Variants in RAB11FIP4 observed in about 807,000 individuals in gnomAD.
The protein encoded by RAB11FIP4 is rab11 family-interacting protein 4.
In RAB11FIP4, 23 loss-of-function variants were observed where a neutral mutation model predicts 74.3. The ratio of observed to expected loss-of-function variants is 0.31; its 90% CI spans 0.22 to 0.44. The LOEUF (loss-of-function observed/expected upper bound fraction) is 0.44. Among genes scored for constraint, RAB11FIP4 ranks in the 20% least tolerant of loss-of-function variants. The pLI, the probability that RAB11FIP4 is intolerant of heterozygous loss-of-function variation, is 1.00. For missense variants in RAB11FIP4, 630 were observed against 863.9 expected, an observed-to-expected ratio of 0.73 and a Z score of 3.39; for synonymous variants, 360 against 359.9, an observed-to-expected ratio of 1.00 and a Z score of 0.00.
intron 3 of RAB11FIP4, among the ~76,000 whole-genome samples, chr17:31,447,884 G>T (rs178861): frequency 6.6e-6 from 1 of 151,406 alleles, no homozygotes; most frequent in South Asian, 2.1e-4. Context: ...GCAGTGGCGC[G>T]ATCTCAGCTC....
chr17:31,497,893 C>T (rs768113579), intron 3 of RAB11FIP4, among the ~76,000 whole-genome samples: 2 of 152,144 alleles, frequency 1.3e-5, no homozygotes, highest in African/African-American at 2.4e-5. Flanking sequence ...AGTAGCCCAA[C>T]CTCCTCAGTT....
chr17:31,529,036 G>T (rs1263343198), intron 13 of RAB11FIP4, among the ~76,000 whole-genome samples: 3 of 151,856 alleles, frequency 2.0e-5, no homozygotes, highest in Non-Finnish European at 4.4e-5. Context: ...ATACCCAGCT[G>T]CAGTATAGTG....
chr17:31,534,856 A>T lies in RAB11FIP4; in HGVS notation c.*3124A>T, dbSNP rs891829038. ...TAGACTCAGATTTTACATGGCCCTG[A>T]GCTGCCCTTGCGTTCAGTTGGAAGC... On this transcript the variant is annotated 3_prime_UTR_variant, in exon 15 of 15. Transcript: ENST00000621161. 1 of 154,290 alleles carries T rather than the reference A, an allele frequency of 6.5e-6. No homozygotes were observed. The highest frequency in any genetic ancestry group is 2.4e-5 in the African/African-American group (1 of 41,468). 9.6% of individuals were successfully genotyped at this position (154,290 alleles called of 1,614,324 possible).
intron 2 of RAB11FIP4, among the ~76,000 whole-genome samples, chr17:31,432,293 G>A (rs2071317945): frequency 6.6e-6 from 1 of 151,910 alleles, no homozygotes; most frequent in South Asian, 2.1e-4. Context: ...CAAAGCGCTG[G>A]TCACATGACT....
chr17:31,465,511 T>TAAAAAAAA (rs11379284), intron 3 of RAB11FIP4: 1 of 132,496 alleles, frequency 7.5e-6, no homozygotes, highest in South Asian at 2.5e-4. Flanking sequence ...GGCACCCTGT[T>TAAAAAAAA]AAAAAAAAAA....
At chr17:31,472,662 A>G (rs2071749418) in intron 3 of RAB11FIP4, among the ~76,000 whole-genome samples, 1 of 152,178 alleles carries the variant, frequency 6.6e-6, no homozygotes, top group African/African-American at 2.4e-5. Context: ...AAGGGAAGAC[A>G]GGGATGGCCA....
At chr17:31,438,433 C>G (rs774169873) in intron 3 of RAB11FIP4, among the ~76,000 whole-genome samples, 48 of 152,156 alleles carry the variant, frequency 3.2e-4, no homozygotes, top group Middle Eastern at 3.4e-3. Context: ...GTGTCAGTAG[C>G]CTCCAACCCA....
At chr17:31,428,549 G>A (rs1230104940) in intron 1 of RAB11FIP4, among the ~76,000 whole-genome samples, 1 of 152,128 alleles carries the variant, frequency 6.6e-6, no homozygotes, top group Non-Finnish European at 1.5e-5. Flanking sequence ...ATTAGGGGGA[G>A]CGGCAAGATG....
intron 3 of RAB11FIP4, among the ~76,000 whole-genome samples, chr17:31,513,327 A>G (rs1259309909): frequency 1.3e-5 from 2 of 152,214 alleles, no homozygotes; most frequent in African/African-American, 2.4e-5. Context: ...AAAACATACA[A>G]AAGGGAAATT....
intron 3 of RAB11FIP4, among the ~76,000 whole-genome samples, chr17:31,459,591 C>A (rs1265110585): frequency 6.6e-6 from 1 of 152,192 alleles, no homozygotes; most frequent in African/African-American, 2.4e-5. Context: ...TCCACTCCCA[C>A]GCCTGATGGG....
intron 3 of RAB11FIP4, among the ~76,000 whole-genome samples, chr17:31,437,607 C>T (rs1475704137): frequency 1.3e-5 from 2 of 152,140 alleles, no homozygotes; most frequent in African/African-American, 4.8e-5. Flanking sequence ...CTGTGCCATG[C>T]GTGTATGTTG....
chr17:31,446,681 T>C (rs951828276), intron 3 of RAB11FIP4, among the ~76,000 whole-genome samples: 4 of 151,994 alleles, frequency 2.6e-5, no homozygotes, highest in African/African-American at 9.7e-5. Flanking sequence ...TTATCTGAGA[T>C]AATGTGGGGA....
At chr17:31,438,740 T>C (rs1490306739) in intron 3 of RAB11FIP4, among the ~76,000 whole-genome samples, 1 of 152,186 alleles carries the variant, frequency 6.6e-6, no homozygotes, top group Non-Finnish European at 1.5e-5. Context: ...ATGTTCTCTC[T>C]TGCCTCTGAG....
intron 4 of RAB11FIP4, chr17:31,518,423 C>G (rs1487547437): frequency 6.8e-6 from 1 of 147,038 alleles, no homozygotes; most frequent in Non-Finnish European, 1.5e-5. Flanking sequence ...GTTAAAAACA[C>G]AAACATATGC....
rs1176103099 is a variant in RAB11FIP4 at position 31,392,012 on chromosome 17, G to A, written c.159+1G>A. On this transcript the variant is annotated splice_donor_variant, in intron 1 of 14. Transcript: ENST00000621161. LOFTEE classifies it high-confidence loss of function. ...ACTGCGCTTCGGCCAGGGCGAGGAG[G>A]TAAGCTGGCCCGACCCCAGTCCCGG... The A allele has an allele frequency of 7.6e-7, 1 of 1,318,116 alleles. No individual in the cohort carries two copies. The highest frequency in any genetic ancestry group is 9.7e-7 in the Non-Finnish European group (1 of 1,034,558). 81.7% of individuals were successfully genotyped at this position (1,318,116 alleles called of 1,614,324 possible). A position where few individuals can be genotyped will look rare whatever the true frequency, so the allele number is the denominator to read the frequency against.
chr17:31,445,560 ATATATATATATATATATATTT>A (rs2071449018), intron 3 of RAB11FIP4, among the ~76,000 whole-genome samples: 8 of 14,472 alleles, frequency 5.5e-4, no homozygotes, highest in Middle Eastern at 0.029. Flanking sequence ...ATATATATAT[ATATATATATATATATATATTT>A]TTTTTTTTTT....
chr17:31,467,505 C>CT (rs2071697404), intron 3 of RAB11FIP4, among the ~76,000 whole-genome samples: 1 of 152,198 alleles, frequency 6.6e-6, no homozygotes, highest in Non-Finnish European at 1.5e-5. Context: ...TTCTCTCTGA[C>CT]TTAATTCTCT....
At chr17:31,529,511 C>A (rs1597988044) in intron 13 of RAB11FIP4, among the ~76,000 whole-genome samples, 1 of 152,310 alleles carries the variant, frequency 6.6e-6, no homozygotes, top group African/African-American at 2.4e-5. Flanking sequence ...AAGGGATCCT[C>A]CCACCCTTAG....
At chr17:31,461,536 C>A (rs1316032828) in intron 3 of RAB11FIP4, among the ~76,000 whole-genome samples, 5 of 152,184 alleles carry the variant, frequency 3.3e-5, no homozygotes, top group Admixed American at 6.5e-5. Context: ...GCCAGGGCAA[C>A]CTTTCTTCAG....
Sources: gnomAD v4.1 joint callset for allele counts (sites outside exome capture counted in the v4.1 genomes callset) on GRCh38, gnomAD v4.1.1 for gene constraint, MANE v1.5 for transcripts, NCBI Gene and HGNC (gene_info 2026-07-23, HGNC 2026-07-21) for gene names.